DLGAP1: variants seen among roughly 807,000 people sequenced by gnomAD.
The protein encoded by DLGAP1 is disks large-associated protein 1.
DLGAP1 carries 11 observed loss-of-function variants against 90.8 expected under a neutral mutation model. The observed-to-expected ratio is 0.12, with a 90% confidence interval of 0.08 to 0.20. The LOEUF is 0.20. Among genes scored for constraint, DLGAP1 ranks in the 10% least tolerant of loss-of-function variants. The pLI, the probability that DLGAP1 is intolerant of heterozygous loss-of-function variation, is 1.00. For missense variants in DLGAP1, 1,050 were observed against 1,333.8 expected (o/e 0.79, Z 3.31); for synonymous variants, 558 against 540.7 (o/e 1.03, Z -0.44).
At chr18:3,669,418 C>T (rs1472023496) in intron 7 of DLGAP1, among the ~76,000 whole-genome samples, 3 of 152,294 alleles carry the variant, frequency 2.0e-5, no homozygotes, top group East Asian at 3.9e-4. Flanking sequence ...CCACCACACC[C>T]CCAACCTGGG....
chr18:3,804,752 G>C (rs2066488505), intron 5 of DLGAP1, among the ~76,000 whole-genome samples: 1 of 152,246 alleles, frequency 6.6e-6, no homozygotes. Context: ...ATTGTGTAAT[G>C]ATGCGTTAGC....
At chr18:4,105,264 A>G (rs1240191352) in intron 2 of DLGAP1, among the ~76,000 whole-genome samples, 1 of 152,206 alleles carries the variant, frequency 6.6e-6, no homozygotes, top group Non-Finnish European at 1.5e-5. Context: ...GAAGTATGCC[A>G]GCCTGTGTTC....
chr18:4,041,327 T>C (rs1171496116), intron 2 of DLGAP1, among the ~76,000 whole-genome samples: 1 of 152,206 alleles, frequency 6.6e-6, no homozygotes, highest in Non-Finnish European at 1.5e-5. Context: ...TGTCACACTA[T>C]TCATAAATGA....
chr18:3,836,355 A>G (rs577668579), intron 4 of DLGAP1, among the ~76,000 whole-genome samples: 26 of 152,322 alleles, frequency 1.7e-4, no homozygotes, highest in African/African-American at 6.3e-4. Context: ...ATCGGGTAAT[A>G]TGAAAGAGGA....
At chr18:4,169,384 T>G (rs1056249305) in intron 1 of DLGAP1, among the ~76,000 whole-genome samples, 2 of 152,214 alleles carry the variant, frequency 1.3e-5, no homozygotes, top group Admixed American at 1.3e-4. Context: ...AGAACACAAC[T>G]TGTACTACCC....
chr18:3,916,740 C>T (rs923308160), intron 3 of DLGAP1, among the ~76,000 whole-genome samples: 1 of 152,126 alleles, frequency 6.6e-6, no homozygotes, highest in Non-Finnish European at 1.5e-5. Flanking sequence ...CCGCCTCCTA[C>T]CTAATCTAGG....
Position 3,800,671 on chromosome 18 carries a change from T to C in DLGAP1, c.1172+13388A>G, listed in dbSNP as rs145653411. On this transcript the variant is annotated intron_variant, in intron 5 of 12. Transcript: ENST00000315677. ...GGGAATGAAGAGGGGAGGGGGACTT[T>C]AACACATTATTAAAATATTTCTTGG... Among the ~76,000 whole-genome samples the C allele has an allele frequency of 1.3e-3, 200 of 152,246 alleles. 1 individual carries two copies. The highest frequency in any genetic ancestry group is 4.8e-3 in the African/African-American group (198 of 41,550).
At chr18:4,368,685 C>T (rs1393783506) in intron 1 of DLGAP1, among the ~76,000 whole-genome samples, 1 of 136,818 alleles carries the variant, frequency 7.3e-6, no homozygotes, top group Non-Finnish European at 1.6e-5. Flanking sequence ...ACACACACAT[C>T]CTATTGGTTC....
At chr18:3,636,666 T>A (rs1329193395) in intron 7 of DLGAP1, among the ~76,000 whole-genome samples, 1 of 151,084 alleles carries the variant, frequency 6.6e-6, no homozygotes, top group African/African-American at 2.4e-5. Context: ...TTCACCCGCC[T>A]CGGCCTCCCA....
At chr18:3,700,879 A>T (rs763962910) in intron 7 of DLGAP1, among the ~76,000 whole-genome samples, 5 of 151,314 alleles carry the variant, frequency 3.3e-5, no homozygotes, top group Non-Finnish European at 5.9e-5. Flanking sequence ...AAAATGGTGG[A>T]ATTACAGGGG....
intron 1 of DLGAP1, among the ~76,000 whole-genome samples, chr18:4,231,524 T>A (rs2078298543): frequency 6.6e-6 from 1 of 152,152 alleles, no homozygotes; most frequent in Admixed American, 6.6e-5. Context: ...TGTGAAGCAA[T>A]TAGATTTTTA....
At chr18:3,905,019 T>G (rs2071865928) in intron 3 of DLGAP1, among the ~76,000 whole-genome samples, 1 of 151,298 alleles carries the variant, frequency 6.6e-6, no homozygotes, top group Non-Finnish European at 1.5e-5. Context: ...TCTATTCCAT[T>G]TTCTCTATCT....
chr18:4,358,486 G>A (rs891572189), intron 1 of DLGAP1, among the ~76,000 whole-genome samples: 3 of 152,196 alleles, frequency 2.0e-5, no homozygotes, highest in Admixed American at 1.3e-4. Flanking sequence ...GGGAGTGAGA[G>A]GAAGTTAGAA....
chr18:4,414,096 C>T (rs2082839637), intron 1 of DLGAP1, among the ~76,000 whole-genome samples: 1 of 152,122 alleles, frequency 6.6e-6, no homozygotes, highest in Non-Finnish European at 1.5e-5. Context: ...AACTTAGTTT[C>T]TTCATCTCCA....
intron 1 of DLGAP1, among the ~76,000 whole-genome samples, chr18:4,264,123 C>A (rs1288971682): frequency 6.6e-6 from 1 of 152,168 alleles, no homozygotes; most frequent in East Asian, 1.9e-4. Flanking sequence ...TAAAGTCCAT[C>A]CAGGAGCTTC....
chr18:4,375,333 G>A (rs895903919), intron 1 of DLGAP1, among the ~76,000 whole-genome samples: 1 of 152,066 alleles, frequency 6.6e-6, no homozygotes, highest in African/African-American at 2.4e-5. Context: ...AAAAATTTTG[G>A]TCCTGTTAAT....
At chr18:4,221,541 C>A (rs1286729906) in intron 1 of DLGAP1, among the ~76,000 whole-genome samples, 1 of 152,082 alleles carries the variant, frequency 6.6e-6, no homozygotes, top group African/African-American at 2.4e-5. Context: ...ACTCCTTTCT[C>A]TTTTTCTTCC....
At chr18:3,834,670 T>C (rs2068269003) in intron 4 of DLGAP1, among the ~76,000 whole-genome samples, 1 of 152,212 alleles carries the variant, frequency 6.6e-6, no homozygotes, top group African/African-American at 2.4e-5. Context: ...AAGGCGAATG[T>C]TAAAATGGTA....
At chr18:4,314,942 A>G (rs2080490039) in intron 1 of DLGAP1, among the ~76,000 whole-genome samples, 1 of 152,246 alleles carries the variant, frequency 6.6e-6, no homozygotes, top group Non-Finnish European at 1.5e-5. Flanking sequence ...CCGAGGGACA[A>G]TATGAGAAAC....
Sources: allele counts gnomAD v4.1 joint callset (sites outside exome capture counted in the v4.1 genomes callset), GRCh38; gene constraint gnomAD v4.1.1; transcripts MANE v1.5; gene names NCBI Gene and HGNC (gene_info 2026-07-23, HGNC 2026-07-21).